Variants in KLHL2 observed in about 807,000 individuals in gnomAD.
KLHL2 encodes kelch like family member 2, also known as kelch-like protein 2.
Under a neutral mutation model 75.8 loss-of-function variants are expected in KLHL2, and 15 were observed. That is an observed-to-expected ratio of 0.20 (90% confidence interval 0.13 to 0.30). The LOEUF (loss-of-function observed/expected upper bound fraction) is 0.30, where lower values mean the gene tolerates loss of function less well. Ranked by LOEUF, KLHL2 falls within the 10% of genes least tolerant of loss-of-function variation. KLHL2 has a pLI of 1.00. For synonymous variants in KLHL2, 214 were observed against 251.9 expected, an observed-to-expected ratio of 0.85 and a Z score of 1.42; for missense variants, 381 against 741.0, an observed-to-expected ratio of 0.51 and a Z score of 5.64.
At chr4:165,252,551 G>T (rs546645414) in intron 4 of KLHL2, 2 of 152,076 alleles carry the variant, frequency 1.3e-5, no homozygotes, top group Non-Finnish European at 2.9e-5. Context: ...CTTTTCTTAG[G>T]CTATATAATT....
rs1232853492 is a variant in KLHL2 at position 165,268,963 on chromosome 4, AG to A, written c.544+5606del. ...TGTGTGGGAGTCTAAGTCTCTTTTTAGGTCTCTAAGGACTTGCTTTATGAAT... is the reference window on the plus strand; with the variant it reads ...TGTGTGGGAGTCTAAGTCTCTTTTTAGTCTCTAAGGACTTGCTTTATGAAT... On this transcript the variant is annotated intron_variant, in intron 5 of 14. Coordinates refer to ENST00000226725, the MANE Select transcript of KLHL2 (RefSeq NM_007246.4). 5.9e-5 allele frequency among the ~76,000 whole-genome samples: 9 copies of A among 152,290 alleles called. No homozygotes were observed. In the East Asian group the frequency reaches 1.7e-3, roughly 29 times the overall value.
chr4:165,209,911 C>A (rs149104011), intron 1 of KLHL2: 2 of 938,516 alleles, frequency 2.1e-6, no homozygotes, highest in Non-Finnish European at 3.1e-6. Flanking sequence ...CTTGCCACCC[C>A]TTGGCCTGTT....
intron 4 of KLHL2, among the ~76,000 whole-genome samples, chr4:165,257,697 T>C (rs1465974674): frequency 6.6e-6 from 1 of 152,152 alleles, no homozygotes; most frequent in East Asian, 1.9e-4. Flanking sequence ...ACATGCACAA[T>C]TGTATCTCAA....
chr4:165,269,755 T>G (rs1288696065), intron 5 of KLHL2, among the ~76,000 whole-genome samples: 2 of 151,932 alleles, frequency 1.3e-5, no homozygotes, highest in African/African-American at 4.8e-5. Context: ...ATTTTTTCCT[T>G]CATTTCAACC....
intron 5 of KLHL2, among the ~76,000 whole-genome samples, chr4:165,288,795 A>G (rs1399860473): frequency 6.7e-6 from 1 of 150,192 alleles, no homozygotes; most frequent in Admixed American, 6.6e-5. Context: ...CACCAGCAGT[A>G]TGAAATAGCA....
At chr4:165,232,773 C>A (rs10027945) in intron 3 of KLHL2, among the ~76,000 whole-genome samples, 2 of 150,850 alleles carry the variant, frequency 1.3e-5, no homozygotes, top group African/African-American at 4.9e-5. Context: ...AAAGAAGACA[C>A]GGGGATTGGG....
At chr4:165,277,941 A>G (rs747597456) in intron 5 of KLHL2, 2 of 944,852 alleles carry the variant, frequency 2.1e-6, no homozygotes, top group Non-Finnish European at 1.8e-6. Context: ...TTCTTTCATT[A>G]TGTAAAAAGC....
intron 5 of KLHL2, among the ~76,000 whole-genome samples, chr4:165,272,265 T>C (rs1405977072): frequency 6.6e-6 from 1 of 152,222 alleles, no homozygotes; most frequent in Non-Finnish European, 1.5e-5. Flanking sequence ...GGAATGCCTG[T>C]AGTGTGTAGC....
At chr4:165,287,723 T>G (rs1022224713) in intron 5 of KLHL2, among the ~76,000 whole-genome samples, 7 of 152,310 alleles carry the variant, frequency 4.6e-5, no homozygotes, top group Non-Finnish European at 1.0e-4. Context: ...AATATCTCAT[T>G]GTGGTTTTGA....
At chr4:165,252,966 C>G (rs1740858456) in intron 4 of KLHL2, among the ~76,000 whole-genome samples, 1 of 152,174 alleles carries the variant, frequency 6.6e-6, no homozygotes, top group South Asian at 2.1e-4. Context: ...ATGCTCTGGT[C>G]CCTGACTTAA....
At chr4:165,288,030 C>T (rs1433621298) in intron 5 of KLHL2, among the ~76,000 whole-genome samples, 1 of 152,128 alleles carries the variant, frequency 6.6e-6, no homozygotes, top group Non-Finnish European at 1.5e-5. Context: ...TCCCATTTGT[C>T]TTCGTTGCCT....
chr4:165,302,908 A>G (rs140160537), intron 8 of KLHL2, among the ~76,000 whole-genome samples: 4 of 152,268 alleles, frequency 2.6e-5, no homozygotes, highest in Non-Finnish European at 4.4e-5. Flanking sequence ...TTTCCTTACA[A>G]AAGGTCTTCT....
intron 5 of KLHL2, among the ~76,000 whole-genome samples, chr4:165,283,434 AT>A (rs909073734): frequency 2.0e-4 from 30 of 152,220 alleles, no homozygotes; most frequent in Admixed American, 5.9e-4. Flanking sequence ...AATGGGAGAA[AT>A]TGGCCAAAAC....
chr4:165,239,289 G>A (rs1309175825), intron 4 of KLHL2, among the ~76,000 whole-genome samples: 1 of 137,942 alleles, frequency 7.2e-6, no homozygotes, highest in South Asian at 2.2e-4. Context: ...TTTGATACCC[G>A]ATCTTGGTCT....
At position 165,290,143 on chromosome 4, in the gene KLHL2, C is replaced by G. The variant is rs1744398578; in HGVS notation, c.545-4216C>G. On this transcript the variant is annotated intron_variant, in intron 5 of 14. Transcript: ENST00000226725. ...ATTTATTTCTCAATATTTTAGAGCT[C>G]TTTTTTTATTTGTTTTTTTTTGAGA... Among the ~76,000 whole-genome samples the G allele has an allele frequency of 2.6e-5, 4 of 151,714 alleles. No homozygotes were observed. In the South Asian group the frequency reaches 8.3e-4, roughly 32 times the overall value.
intron 5 of KLHL2, among the ~76,000 whole-genome samples, chr4:165,266,512 G>C (rs1405910780): frequency 6.6e-6 from 1 of 152,088 alleles, no homozygotes; most frequent in Non-Finnish European, 1.5e-5. Flanking sequence ...TGTAAGGAAG[G>C]GATCCAGTTT....
chr4:165,279,079 G>C (rs1156239831), intron 5 of KLHL2: 1 of 1,539,566 alleles, frequency 6.5e-7, no homozygotes, highest in Non-Finnish European at 9.0e-7. Context: ...CTCCATTGAC[G>C]CCTCCTGTCA....
rs4095550 is a variant in KLHL2 at position 165,224,001 on chromosome 4, G to C, written c.152+3942G>C. On this transcript the variant is annotated intron_variant, in intron 2 of 14. Coordinates refer to ENST00000226725, the MANE Select transcript of KLHL2 (RefSeq NM_007246.4). ...GTGATCTCAGCTCACTGCAACCTCC[G>C]ACTCCTGGGTTCAAGCGATTGTCCC... 25 of 385,846 alleles carry C rather than the reference G, an allele frequency of 6.5e-5. No homozygotes were observed. In the Admixed American group the frequency reaches 6.6e-4, roughly 10 times the overall value. The allele number at this position is 385,846 out of a possible 1,614,324, so 23.9% of individuals were successfully genotyped here. A position where few individuals can be genotyped will look rare whatever the true frequency, so the allele number is the denominator to read the frequency against.
chr4:165,301,750 T>A (rs1005244367), intron 8 of KLHL2, among the ~76,000 whole-genome samples: 10 of 152,238 alleles, frequency 6.6e-5, no homozygotes, highest in African/African-American at 2.4e-4. Flanking sequence ...GTGCTATATC[T>A]TTAATACTTT....
Sources: gnomAD v4.1 joint callset for allele counts (sites outside exome capture counted in the v4.1 genomes callset) on GRCh38, gnomAD v4.1.1 for gene constraint, MANE v1.5 for transcripts, NCBI Gene and HGNC (gene_info 2026-07-23, HGNC 2026-07-21) for gene names.